EPB41: variants seen among roughly 807,000 people sequenced by gnomAD.
EPB41 encodes the protein erythrocyte membrane protein band 4.1, also known as protein 4.1.
EPB41 carries 65 observed loss-of-function variants against 108.0 expected under a neutral mutation model. The ratio of observed to expected loss-of-function variants is 0.60; its 90% confidence interval spans 0.49 to 0.74. The LOEUF (loss-of-function observed/expected upper bound fraction) is 0.74, where lower values mean the gene tolerates loss of function less well. Ranked by LOEUF, EPB41 falls within the 30% of genes least tolerant of loss-of-function variation. The pLI is 0.00. For missense variants in EPB41, 875 were observed against 1,037.0 expected (o/e 0.84, Z 2.15); for synonymous variants, 336 against 358.9 (o/e 0.94, Z 0.72).
chr1:29,115,920 A>G lies in EPB41; in HGVS notation c.*6+117A>G. ...CCCACAAAGAGGTGTTCACCCTGGGACTTGATAAAGGCAGACGAGAGGCTG... is the reference window on the plus strand; with the variant it reads ...CCCACAAAGAGGTGTTCACCCTGGGGCTTGATAAAGGCAGACGAGAGGCTG... On this transcript the variant is annotated intron_variant, in intron 20 of 20. Transcript: ENST00000343067. This position sits in a 1 kb window ranked among gnomAD's most constrained non-coding sequence, Gnocchi z 4.4. 1.3e-6 allele frequency: 1 copy of G among 794,006 alleles called. No homozygotes were observed. Among genetic ancestry groups the G allele is most frequent in the Non-Finnish European group, 2.2e-6 (1 of 461,790 alleles). 49.2% of individuals were successfully genotyped at this position (794,006 alleles called of 1,614,324 possible). A position where few individuals can be genotyped will look rare whatever the true frequency, so the allele number is the denominator to read the frequency against.
At chr1:29,044,608 G>A (rs1642601209) in intron 11 of EPB41, among the ~76,000 whole-genome samples, 1 of 152,162 alleles carries the variant, frequency 6.6e-6, no homozygotes, top group Non-Finnish European at 1.5e-5. Context: ...TTGGGAGGCT[G>A]AGGCGGGCGG....
intron 1 of EPB41, among the ~76,000 whole-genome samples, chr1:28,945,575 C>CTT (rs1465801337): frequency 1.3e-5 from 2 of 152,052 alleles, no homozygotes; most frequent in African/African-American, 4.8e-5. Context: ...TTTCATAACT[C>CTT]TAAAGGAAGG....
intron 5 of EPB41, among the ~76,000 whole-genome samples, chr1:29,013,834 G>GTTTTTTTTTTTTTT (rs537368192): frequency 7.6e-6 from 1 of 131,852 alleles, no homozygotes; most frequent in African/African-American, 2.9e-5. Context: ...CAGCCCTTAA[G>GTTTTTTTTTTTTTT]TTTTTTTTTT....
At position 28,931,695 on chromosome 1, in the gene EPB41, AT is replaced by A. The variant is rs1247437412; in HGVS notation, c.-8+16939del. Reference sequence around the variant, plus strand: ...AGGCGCCCGCCACCACGTCTGGCTGATTTTTTTTTTTTGTATTGTTGGTAGA... The same window carrying A: ...AGGCGCCCGCCACCACGTCTGGCTGATTTTTTTTTTTGTATTGTTGGTAGA... On this transcript the variant is annotated intron_variant, in intron 1 of 20. Coordinates refer to ENST00000343067, the MANE Select transcript of EPB41 (RefSeq NM_001376013.1). Among the ~76,000 whole-genome samples, 942 of 143,394 alleles carry A rather than the reference AT, an allele frequency of 6.6e-3. 6 individuals are homozygous for A. The highest frequency in any genetic ancestry group is 0.015 in the African/African-American group (608 of 39,290). The allele number at this position is 143,394 out of a possible 152,430, so 94.1% of individuals were successfully genotyped here.
At chr1:29,110,772 A>C (rs905144693) in intron 18 of EPB41, among the ~76,000 whole-genome samples, 4 of 152,136 alleles carry the variant, frequency 2.6e-5, no homozygotes, top group African/African-American at 9.7e-5. Context: ...CCCTCAGGAG[A>C]TTATGTGAGG....
chr1:29,093,264 A>G (rs1661970997), intron 16 of EPB41, among the ~76,000 whole-genome samples: 1 of 152,204 alleles, frequency 6.6e-6, no homozygotes, highest in African/African-American at 2.4e-5. Context: ...GGGAGATGGT[A>G]TCTCACTGTG....
intron 15 of EPB41, among the ~76,000 whole-genome samples, chr1:29,061,685 TCCTC>T (rs996517775): frequency 1.8e-4 from 24 of 136,924 alleles, no homozygotes; most frequent in Admixed American, 8.2e-5. Flanking sequence ...GCTCAAGCAA[TCCTC>T]CCATCTCAAT....
At chr1:28,994,361 C>T (rs758828635) in intron 3 of EPB41, among the ~76,000 whole-genome samples, 1 of 151,490 alleles carries the variant, frequency 6.6e-6, no homozygotes, top group African/African-American at 2.4e-5. Context: ...TAAGTAGAGA[C>T]GGGGTTTCAC....
At position 28,887,312 on chromosome 1, in the gene EPB41, C is replaced by A; in HGVS notation, c.-8+102C>A. On this transcript the variant is annotated intron_variant, in intron 1 of 16. Coordinates refer to the EPB41 transcript ENST00000347529. The surrounding 1 kb of genome is among the most constrained non-coding windows in gnomAD (Gnocchi z 4.9). ...AGGGCTCGGACCGTCCCGGGAGAGG[C>A]GAGACCAGGGTCGAAGGGTCCAGGG... is the stretch of plus-strand genomic sequence containing the variant. 3.3e-6 allele frequency: 4 copies of A among 1,207,514 alleles called. No homozygotes were observed. The South Asian group carries it at 4.3e-5, about 13-fold the overall frequency. 74.8% of individuals were successfully genotyped at this position (1,207,514 alleles called of 1,614,324 possible).
chr1:28,967,748 G>C (rs1263250550), intron 1 of EPB41, among the ~76,000 whole-genome samples: 7 of 151,740 alleles, frequency 4.6e-5, no homozygotes, highest in African/African-American at 1.4e-4. Context: ...TGGGATTACA[G>C]GTGTGAGCCA....
chr1:29,066,882 T>G (rs1313519669), intron 16 of EPB41, among the ~76,000 whole-genome samples: 1 of 151,488 alleles, frequency 6.6e-6, no homozygotes, highest in Admixed American at 6.6e-5. Flanking sequence ...ACTACGTTGG[T>G]CAGGGTGGTC....
At chr1:29,078,214 G>A (rs778204893) in intron 16 of EPB41, among the ~76,000 whole-genome samples, 4 of 151,914 alleles carry the variant, frequency 2.6e-5, no homozygotes, top group East Asian at 1.9e-4. Flanking sequence ...GCAAGATTCC[G>A]TCTCAAAAAA....
intron 16 of EPB41, among the ~76,000 whole-genome samples, chr1:29,092,848 C>A (rs1661782375): frequency 6.6e-6 from 1 of 152,140 alleles, no homozygotes; most frequent in Non-Finnish European, 1.5e-5. Context: ...ATAATGGCCT[C>A]CAGCTCCATC....
chr1:29,078,275 C>A (rs1654949378), intron 16 of EPB41, among the ~76,000 whole-genome samples: 1 of 152,144 alleles, frequency 6.6e-6, no homozygotes, highest in Non-Finnish European at 1.5e-5. Context: ...TTGAGGACCC[C>A]TGGTACAGAC....
upstream of EPB41, among the ~76,000 whole-genome samples, chr1:28,909,669 A>G (rs1020096678): frequency 5.3e-5 from 8 of 152,020 alleles, no homozygotes; most frequent in East Asian, 1.4e-3. Flanking sequence ...GTGTGGTGGC[A>G]TATACCTGTA....
chr1:29,088,031 C>CTTTTTCTT (rs1156405796), intron 16 of EPB41, among the ~76,000 whole-genome samples: 2 of 147,016 alleles, frequency 1.4e-5, no homozygotes, highest in Non-Finnish European at 3.0e-5. Flanking sequence ...ATCTTTTTTC[C>CTTTTTCTT]TTTTTCTTTT....
At chr1:28,889,693 G>C (rs2089886673) in intron 1 of EPB41, 1 of 479,756 alleles carries the variant, frequency 2.1e-6, no homozygotes, top group East Asian at 1.5e-4. Context: ...TAGGCTGCAG[G>C]GTGAGACAGA....
At chr1:29,045,940 C>T (rs1643058431) in intron 11 of EPB41, among the ~76,000 whole-genome samples, 1 of 150,974 alleles carries the variant, frequency 6.6e-6, no homozygotes, top group Non-Finnish European at 1.5e-5. Context: ...TGTGCCACTG[C>T]ACTGCAGCCT....
chr1:29,103,370 G>A (rs1666095639), intron 17 of EPB41, among the ~76,000 whole-genome samples: 2 of 152,330 alleles, frequency 1.3e-5, no homozygotes, highest in Admixed American at 6.5e-5. Context: ...TAAAGGCAGC[G>A]TGATATTCTT....
Sources: gnomAD v4.1 joint callset for allele counts (sites outside exome capture counted in the v4.1 genomes callset) on GRCh38, gnomAD v4.1.1 for gene constraint, Gnocchi (gnomAD v3.1) non-coding constraint, MANE v1.5 for transcripts, NCBI Gene and HGNC (gene_info 2026-07-23, HGNC 2026-07-21) for gene names.